The following ADAM23 variants were observed in gnomAD, a reference collection of about 807,000 sequenced individuals.
ADAM23 encodes the protein ADAM metallopeptidase domain 23, also known as disintegrin and metalloproteinase domain-containing protein 23.
In ADAM23, 33 loss-of-function variants were observed where a neutral mutation model predicts 120.1. The ratio of observed to expected loss-of-function variants is 0.27; its 90% confidence interval spans 0.21 to 0.37. The LOEUF is 0.37. ADAM23 is among the 10% of genes least tolerant of loss of function. ADAM23 has a pLI of 1.00. For synonymous variants in ADAM23, 367 were observed against 375.2 expected (o/e 0.98, Z 0.25); for missense variants, 862 against 1,058.2 (o/e 0.81, Z 2.57).
At chr2:206,596,338 T>A (rs1468780118) in intron 24 of ADAM23, among the ~76,000 whole-genome samples, 176 bp downstream of exon 24, 1 of 152,266 alleles carries the variant, frequency 6.6e-6, no homozygotes, top group African/African-American at 2.4e-5. Flanking sequence ...ATCATATTTT[T>A]AAAATGTGTT....
chr2:206,557,314 A>G (rs543591932), intron 9 of ADAM23, 113 bp from the exon 10 acceptor site: 5 of 889,298 alleles, frequency 5.6e-6, no homozygotes, highest in South Asian at 3.0e-5. Context: ...ACTAAATTAT[A>G]TATTTTTAAA....
chr2:206,487,331 G>A (rs1233457948), intron 3 of ADAM23, among the ~76,000 whole-genome samples: 1 of 152,082 alleles, frequency 6.6e-6, no homozygotes, highest in African/African-American at 2.4e-5. Context: ...TCTGACTTTA[G>A]TAAGTGAGAA....
At chr2:206,448,580 G>C (rs969538464) in intron 2 of ADAM23, among the ~76,000 whole-genome samples, 1 of 152,154 alleles carries the variant, frequency 6.6e-6, no homozygotes, top group Non-Finnish European at 1.5e-5. Flanking sequence ...TCACCAGAAA[G>C]ACCAGCACAT....
At chr2:206,600,249 C>T (rs969380502) in intron 24 of ADAM23, among the ~76,000 whole-genome samples, 5 of 152,104 alleles carry the variant, frequency 3.3e-5, no homozygotes, top group African/African-American at 1.2e-4. Flanking sequence ...TCTCATGATC[C>T]AACTGGTTTG....
At chr2:206,547,322 A>G (rs143620097) in intron 6 of ADAM23, 107 bp from the exon 7 acceptor site, 7 of 832,728 alleles carry the variant, frequency 8.4e-6, no homozygotes, top group South Asian at 6.4e-5. Flanking sequence ...AAACTGACAT[A>G]TAAATATTCC....
intron 10 of ADAM23, among the ~76,000 whole-genome samples, chr2:206,559,611 A>G (rs567869135): frequency 6.6e-6 from 1 of 152,248 alleles, no homozygotes; most frequent in African/African-American, 2.4e-5. Flanking sequence ...TCAGGCTCCA[A>G]CCTGTTACCT....
chr2:206,450,499 T>G (rs1648772054), intron 2 of ADAM23, among the ~76,000 whole-genome samples: 1 of 152,230 alleles, frequency 6.6e-6, no homozygotes, highest in Non-Finnish European at 1.5e-5. Flanking sequence ...GAATTCATGT[T>G]ATAATCAAAC....
intron 2 of ADAM23, among the ~76,000 whole-genome samples, chr2:206,477,198 A>G (rs947415407): frequency 4.6e-5 from 7 of 152,204 alleles, no homozygotes; most frequent in Non-Finnish European, 1.0e-4. Flanking sequence ...GAAGAACCCA[A>G]TAGCTTTCTT....
In ADAM23 at chr2:206,609,898, C is replaced by T; in HGVS notation, c.2360-12C>T. Reference sequence around the variant, plus strand: ...GTTCATATGACTCTCTTCCCATGATCCTTTGTCACAGGTCCTAGTGCCACC... The same window carrying T: ...GTTCATATGACTCTCTTCCCATGATTCTTTGTCACAGGTCCTAGTGCCACC... On this transcript the variant is annotated splice_polypyrimidine_tract_variant and intron_variant, in intron 24 of 25. Transcript: ENST00000264377. The T allele has an allele frequency of 6.3e-7, 1 of 1,593,742 alleles. No homozygotes were observed. Among genetic ancestry groups the T allele is most frequent in the Non-Finnish European group, 8.5e-7 (1 of 1,172,578 alleles).
At chr2:206,500,445 G>T (rs1353129163) in intron 3 of ADAM23, among the ~76,000 whole-genome samples, 1 of 152,140 alleles carries the variant, frequency 6.6e-6, no homozygotes, top group Non-Finnish European at 1.5e-5. Context: ...CTCAAAAGTA[G>T]CTTTTAGAAG....
chr2:206,464,653 CA>C (rs201079736), intron 2 of ADAM23, among the ~76,000 whole-genome samples: 9,044 of 152,148 alleles, frequency 0.059, 400 homozygotes, highest in Admixed American at 0.15. Context: ...GGAAGCTATA[CA>C]TACATCTTCT....
intron 2 of ADAM23, among the ~76,000 whole-genome samples, chr2:206,461,520 TAAG>T (rs1412094894): frequency 1.3e-5 from 2 of 152,156 alleles, no homozygotes; most frequent in Non-Finnish European, 2.9e-5. Context: ...ATTTTAAAAA[TAAG>T]GAGGTTGGGT....
intron 3 of ADAM23, among the ~76,000 whole-genome samples, chr2:206,489,539 C>A (rs1696085846): frequency 6.6e-6 from 1 of 152,168 alleles, no homozygotes; most frequent in Non-Finnish European, 1.5e-5. Flanking sequence ...CTTTACTTCC[C>A]AGTTTCAAGA....
intron 2 of ADAM23, among the ~76,000 whole-genome samples, chr2:206,470,277 C>T (rs924250464): frequency 7.9e-5 from 12 of 151,876 alleles, no homozygotes; most frequent in African/African-American, 2.9e-4. Context: ...TATATGTCTT[C>T]AAGGCTCCAT....
intron 4 of ADAM23, among the ~76,000 whole-genome samples, chr2:206,537,168 A>G (rs945658943): frequency 6.6e-6 from 1 of 151,896 alleles, no homozygotes; most frequent in African/African-American, 2.4e-5. Context: ...TTCTCTTCTC[A>G]CCTTTATTCT....
At chr2:206,466,098 G>A (rs1695536860) in intron 2 of ADAM23, among the ~76,000 whole-genome samples, 1 of 152,120 alleles carries the variant, frequency 6.6e-6, no homozygotes, top group Non-Finnish European at 1.5e-5. Flanking sequence ...TAAAAGTAGT[G>A]ACATGTTTGA....
intron 3 of ADAM23, among the ~76,000 whole-genome samples, chr2:206,505,007 T>G (rs74668856): frequency 0.018 from 2,766 of 152,332 alleles, 34 homozygotes; most frequent in Non-Finnish European, 0.03. Context: ...GAATATGTTT[T>G]GAGGTCTTCA....
At chr2:206,598,637 G>A (rs917132950) in intron 24 of ADAM23, among the ~76,000 whole-genome samples, 3 of 152,286 alleles carry the variant, frequency 2.0e-5, no homozygotes, top group Non-Finnish European at 2.9e-5. Flanking sequence ...AGTGGTTCGC[G>A]CCTGTAATCC....
Position 206,596,137 on chromosome 2 carries a change from C to T in ADAM23, c.2334C>T (p.His778=), listed in dbSNP as rs750825959. ...CSIRDPVRNL[H]PPKDEGPKGP... ...TCCGGGATCCAGTTAGGAACCTTCA[C>T]CCCCCCAAGGATGAAGGACCCAAGG... Residue 778 remains histidine, a synonymous_variant, in exon 24 of 26, where the codon CAC becomes CAT. Coordinates refer to ENST00000264377, the MANE Select transcript of ADAM23 (RefSeq NM_003812.4). 1.2e-6 allele frequency: 2 copies of T among 1,613,386 alleles called. No individual in the cohort carries two copies. Among genetic ancestry groups the T allele is most frequent in the South Asian group, 1.1e-5 (1 of 90,986 alleles).
Sources: gnomAD v4.1 joint callset for allele counts (sites outside exome capture counted in the v4.1 genomes callset) on GRCh38, gnomAD v4.1.1 for gene constraint, MANE v1.5 for transcripts, NCBI Gene and HGNC (gene_info 2026-07-23, HGNC 2026-07-21) for gene names.